GLRA3: variants seen among roughly 807,000 people sequenced by gnomAD.
GLRA3 encodes glycine receptor alpha 3, also known as glycine receptor subunit alpha-3.
GLRA3 carries 44 observed loss-of-function variants against 60.4 expected under a neutral mutation model. The observed-to-expected ratio is 0.73, with a 90% confidence interval of 0.57 to 0.94. GLRA3 has a LOEUF of 0.94. Ranked by LOEUF, GLRA3 falls within the 40% of genes least tolerant of loss-of-function variation. GLRA3 has a pLI of 0.00. For missense variants in GLRA3, 508 were observed against 564.6 expected, an observed-to-expected ratio of 0.90 and a Z score of 1.02; for synonymous variants, 223 against 192.9, an observed-to-expected ratio of 1.16 and a Z score of -1.29.
chr4:174,769,960 G>T (rs553692205), intron 2 of GLRA3, among the ~76,000 whole-genome samples: 4 of 152,054 alleles, frequency 2.6e-5, no homozygotes, highest in African/African-American at 9.6e-5. Flanking sequence ...TTTTGTAGAT[G>T]ACCTGTTTTT....
intron 5 of GLRA3, among the ~76,000 whole-genome samples, chr4:174,700,023 A>G (rs1008315758): frequency 6.6e-6 from 1 of 152,230 alleles, no homozygotes. Flanking sequence ...TTTCTATCAT[A>G]AAAATGAAAA....
chr4:174,802,964 C>T (rs913718672), intron 1 of GLRA3, among the ~76,000 whole-genome samples: 8 of 151,866 alleles, frequency 5.3e-5, no homozygotes, highest in African/African-American at 1.9e-4. Context: ...AATTATATAT[C>T]GTTTGTACAT....
At chr4:174,674,597 T>G (rs1294064927) in intron 7 of GLRA3, among the ~76,000 whole-genome samples, 1 of 152,168 alleles carries the variant, frequency 6.6e-6, no homozygotes, top group East Asian at 1.9e-4. Context: ...CTGAGCTCTT[T>G]CTTATCTTAC....
At chr4:174,720,218 T>G (rs1736081104) in intron 4 of GLRA3, among the ~76,000 whole-genome samples, 1 of 152,222 alleles carries the variant, frequency 6.6e-6, no homozygotes, top group South Asian at 2.1e-4. Flanking sequence ...TCCATTATTC[T>G]GTGGTAAAGA....
chr4:174,662,222 A>G (rs956135889), intron 7 of GLRA3, among the ~76,000 whole-genome samples: 2 of 152,214 alleles, frequency 1.3e-5, no homozygotes, highest in African/African-American at 2.4e-5. Context: ...TATATAGCCA[A>G]TTAGATGTGT....
chr4:174,660,931 T>C (rs74532754), intron 7 of GLRA3, among the ~76,000 whole-genome samples: 2,501 of 152,310 alleles, frequency 0.016, 73 homozygotes, highest in African/African-American at 0.056. Flanking sequence ...TTAGCACATA[T>C]ATCCGTTTGA....
intron 8 of GLRA3, among the ~76,000 whole-genome samples, chr4:174,657,679 A>T (rs1733263984): frequency 6.6e-6 from 1 of 152,054 alleles, no homozygotes; most frequent in South Asian, 2.1e-4. Context: ...GAAGAAAAAG[A>T]GATAAAGGCA....
At chr4:174,786,125 T>A (rs541136551) in intron 2 of GLRA3, among the ~76,000 whole-genome samples, 1 of 152,124 alleles carries the variant, frequency 6.6e-6, no homozygotes, top group East Asian at 1.9e-4. Context: ...ATTACTGATA[T>A]TCATGTCTCT....
intron 1 of GLRA3, among the ~76,000 whole-genome samples, chr4:174,794,254 T>C (rs867862194): frequency 2.0e-5 from 3 of 152,162 alleles, no homozygotes; most frequent in Non-Finnish European, 4.4e-5. Flanking sequence ...AATAAGGTAT[T>C]AAAAATTCTC....
At chr4:174,680,277 C>T (rs1056329823) in intron 6 of GLRA3, among the ~76,000 whole-genome samples, 2 of 151,986 alleles carry the variant, frequency 1.3e-5, no homozygotes, top group African/African-American at 4.8e-5. Flanking sequence ...GATAAAAGAA[C>T]AAGTTGGACA....
At chr4:174,808,281 G>C (rs975725090) in intron 1 of GLRA3, among the ~76,000 whole-genome samples, 1 of 152,126 alleles carries the variant, frequency 6.6e-6, no homozygotes, top group Non-Finnish European at 1.5e-5. Flanking sequence ...GCCAATGTCA[G>C]ACTGCATGCA....
chr4:174,697,834 TG>T (rs1735124438), intron 5 of GLRA3, among the ~76,000 whole-genome samples: 1 of 152,208 alleles, frequency 6.6e-6, no homozygotes, highest in Non-Finnish European at 1.5e-5. Context: ...TTAAAGTTTT[TG>T]TGAGAAATTT....
At chr4:174,816,141 G>T (rs1244787209) in intron 1 of GLRA3, among the ~76,000 whole-genome samples, 1 of 152,088 alleles carries the variant, frequency 6.6e-6, no homozygotes, top group Non-Finnish European at 1.5e-5. Flanking sequence ...CTTCCTAAAG[G>T]TCCACACATT....
intron 5 of GLRA3, among the ~76,000 whole-genome samples, chr4:174,692,849 C>T (rs4695950): frequency 0.42 from 64,214 of 151,344 alleles, 14,131 homozygotes; most frequent in Middle Eastern, 0.53. Context: ...GACCTTTGTT[C>T]ACTTGTTTAT....
At chr4:174,693,235 T>G (rs890299644) in intron 5 of GLRA3, among the ~76,000 whole-genome samples, 1 of 152,194 alleles carries the variant, frequency 6.6e-6, no homozygotes, top group African/African-American at 2.4e-5. Flanking sequence ...CTTTGTCCAT[T>G]TTTATGTCCA....
chr4:174,727,611 C>A lies in GLRA3; in HGVS notation c.491+864G>T, dbSNP rs140784686. ...CAATTATGGAAAATTTTTAAATAAT[C>A]ACTATTTTAGAAGATTTTTTCAGAT... On this transcript the variant is annotated intron_variant, in intron 4 of 9. Transcript: ENST00000274093. Among the ~76,000 whole-genome samples the A allele has an allele frequency of 1.6e-3, 238 of 152,118 alleles. 1 individual carries two copies. The highest frequency in any genetic ancestry group is 5.5e-3 in the African/African-American group (229 of 41,494).
chr4:174,717,671 G>A (rs1417451031), intron 4 of GLRA3, among the ~76,000 whole-genome samples: 1 of 152,118 alleles, frequency 6.6e-6, no homozygotes, highest in Non-Finnish European at 1.5e-5. Context: ...ATAATTCATG[G>A]AGTTCAACAT....
At chr4:174,720,646 A>G (rs561374186) in intron 4 of GLRA3, among the ~76,000 whole-genome samples, 2 of 152,224 alleles carry the variant, frequency 1.3e-5, no homozygotes, top group Admixed American at 6.5e-5. Flanking sequence ...CATCTGAGCC[A>G]TTTTCCAGGG....
intron 3 of GLRA3, 113 bp downstream of exon 3, chr4:174,766,850 T>A (rs1263318867): frequency 3.3e-6 from 2 of 597,734 alleles, no homozygotes; most frequent in Admixed American, 5.3e-5. Flanking sequence ...CTATTAATTT[T>A]ACATTTTAAA....
Sources: allele counts gnomAD v4.1 joint callset (sites outside exome capture counted in the v4.1 genomes callset), GRCh38; gene constraint gnomAD v4.1.1; transcripts MANE v1.5; gene names NCBI Gene and HGNC (gene_info 2026-07-23, HGNC 2026-07-21).